Variants in FSTL5 observed in about 807,000 individuals in gnomAD.
FSTL5 encodes follistatin like 5, also known as follistatin-related protein 5.
FSTL5 carries 62 observed loss-of-function variants against 89.1 expected under a neutral mutation model. The ratio of observed to expected loss-of-function variants is 0.70; its 90% CI spans 0.57 to 0.86. The LOEUF is 0.86. FSTL5 is among the 40% of genes least tolerant of loss of function. The probability of loss-of-function intolerance (pLI) is 0.00; values close to 1 mark genes in which losing one functional copy is unlikely to be tolerated. For synonymous variants in FSTL5, 383 were observed against 346.2 expected, an observed-to-expected ratio of 1.11 and a Z score of -1.18; for missense variants, 1,057 against 1,001.6, an observed-to-expected ratio of 1.06 and a Z score of -0.75.
intron 6 of FSTL5, among the ~76,000 whole-genome samples, chr4:161,746,893 CT>C (rs1740220782): frequency 6.6e-6 from 1 of 152,120 alleles, no homozygotes; most frequent in Non-Finnish European, 1.5e-5. Flanking sequence ...ATTTCCCACA[CT>C]TTTGGCTTTG....
At chr4:162,001,189 C>T (rs1459370423) in intron 3 of FSTL5, among the ~76,000 whole-genome samples, 1 of 152,110 alleles carries the variant, frequency 6.6e-6, no homozygotes, top group African/African-American at 2.4e-5. Context: ...CAGCTATATG[C>T]CAGCAACTGA....
At chr4:161,827,082 C>A (rs960774884) in intron 4 of FSTL5, among the ~76,000 whole-genome samples, 3 of 152,058 alleles carry the variant, frequency 2.0e-5, no homozygotes, top group Non-Finnish European at 4.4e-5. Flanking sequence ...GCTGGGTGGA[C>A]TATGTCAGAG....
chr4:161,402,972 C>T (rs1291724117), intron 15 of FSTL5, among the ~76,000 whole-genome samples: 3 of 151,964 alleles, frequency 2.0e-5, no homozygotes, highest in African/African-American at 7.3e-5. Flanking sequence ...CAGGTGCCTG[C>T]CACCACGCCC....
chr4:161,742,949 C>T (rs775219149), intron 6 of FSTL5, among the ~76,000 whole-genome samples: 8 of 152,006 alleles, frequency 5.3e-5, no homozygotes, highest in Non-Finnish European at 7.4e-5. Flanking sequence ...ATCCAACTAC[C>T]TTGCCAATTT....
intron 3 of FSTL5, among the ~76,000 whole-genome samples, chr4:161,992,948 ATATC>A (rs1328618711): frequency 0.027 from 166 of 6,110 alleles, 7 homozygotes; most frequent in African/African-American, 0.049. Context: ...ATATGTGTGT[ATATC>A]TATATATATA....
At chr4:161,427,721 G>T (rs559600906) in intron 15 of FSTL5, among the ~76,000 whole-genome samples, 2 of 152,074 alleles carry the variant, frequency 1.3e-5, no homozygotes, top group Non-Finnish European at 1.5e-5. Flanking sequence ...TAAATGATAC[G>T]TAAAGACAAT....
At chr4:161,456,253 G>A (rs561052857) in intron 14 of FSTL5, among the ~76,000 whole-genome samples, 6 of 152,168 alleles carry the variant, frequency 3.9e-5, no homozygotes, top group Non-Finnish European at 7.4e-5. Flanking sequence ...TTTTAAGGCA[G>A]TATTTTGAAA....
intron 8 of FSTL5, among the ~76,000 whole-genome samples, chr4:161,557,703 C>T (rs1454958102): frequency 6.7e-6 from 1 of 150,062 alleles, no homozygotes; most frequent in Non-Finnish European, 1.5e-5. Flanking sequence ...TAAAATTGAA[C>T]AGATTATCAT....
chr4:161,827,549 G>A (rs1045852092), intron 4 of FSTL5, among the ~76,000 whole-genome samples: 1 of 152,172 alleles, frequency 6.6e-6, no homozygotes, highest in Non-Finnish European at 1.5e-5. Context: ...GACTACCAGG[G>A]CTGGTAGAGA....
chr4:161,764,730 T>C (rs1046772159), intron 5 of FSTL5, among the ~76,000 whole-genome samples: 42 of 152,170 alleles, frequency 2.8e-4, no homozygotes, highest in Admixed American at 2.6e-4. Flanking sequence ...GAAAGAAAAG[T>C]ATTTTATTTT....
intron 2 of FSTL5, among the ~76,000 whole-genome samples, chr4:162,045,728 A>G (rs1440984109): frequency 1.3e-5 from 2 of 152,182 alleles, no homozygotes; most frequent in African/African-American, 2.4e-5. Context: ...GCAAAGTGCA[A>G]TCAGATAAGG....
chr4:161,872,891 CTGAAA>C (rs1214059970), intron 4 of FSTL5, among the ~76,000 whole-genome samples: 1 of 151,662 alleles, frequency 6.6e-6, no homozygotes, highest in Non-Finnish European at 1.5e-5. Flanking sequence ...GTTTTATTGA[CTGAAA>C]TAAAGGAGAC....
At chr4:161,683,211 C>T (rs1182971491) in intron 6 of FSTL5, among the ~76,000 whole-genome samples, 1 of 151,812 alleles carries the variant, frequency 6.6e-6, no homozygotes, top group South Asian at 2.1e-4. Context: ...GATTTATTTA[C>T]ATCAATGTCA....
intron 4 of FSTL5, among the ~76,000 whole-genome samples, chr4:161,784,892 CAAAA>C (rs67493163): frequency 1.3e-5 from 1 of 79,226 alleles, no homozygotes. Context: ...GACTCCGTCT[CAAAA>C]AAAACAAAAA....
intron 7 of FSTL5, among the ~76,000 whole-genome samples, chr4:161,599,811 GCTAA>G (rs1734161602): frequency 6.6e-6 from 1 of 151,922 alleles, no homozygotes; most frequent in Non-Finnish European, 1.5e-5. Flanking sequence ...CATTTACATA[GCTAA>G]CTGTTATTTA....
At chr4:161,535,757 AATC>A (rs1731587268) in intron 10 of FSTL5, among the ~76,000 whole-genome samples, 1 of 152,124 alleles carries the variant, frequency 6.6e-6, no homozygotes, top group African/African-American at 2.4e-5. Context: ...AAATAAAATA[AATC>A]ATTCTACCGA....
intron 15 of FSTL5, among the ~76,000 whole-genome samples, chr4:161,394,568 C>T (rs1279644348): frequency 6.6e-6 from 1 of 152,174 alleles, no homozygotes; most frequent in Non-Finnish European, 1.5e-5. Context: ...AGCCACTGCA[C>T]CTGGCCAATA....
intron 5 of FSTL5, among the ~76,000 whole-genome samples, chr4:161,775,555 T>C (rs79590893): frequency 1.3e-5 from 2 of 152,104 alleles, no homozygotes; most frequent in Non-Finnish European, 2.9e-5. Context: ...AAGTTAAACA[T>C]TGCATGATCT....
intron 6 of FSTL5, among the ~76,000 whole-genome samples, chr4:161,705,952 GTATA>G (rs1206067350): frequency 2.9e-4 from 9 of 30,658 alleles, no homozygotes; most frequent in African/African-American, 1.3e-3. Context: ...GTAGATGTGT[GTATA>G]TATATATATA....
Sources: allele counts gnomAD v4.1 joint callset (sites outside exome capture counted in the v4.1 genomes callset), GRCh38; gene constraint gnomAD v4.1.1; transcripts MANE v1.5; gene names NCBI Gene and HGNC (gene_info 2026-07-23, HGNC 2026-07-21).